The following PDZD2 variants were observed in gnomAD, a reference collection of about 807,000 sequenced individuals.
PDZD2 encodes PDZ domain-containing protein 2.
A neutral mutation model predicts 220.7 loss-of-function variants in PDZD2; 90 were observed. The observed-to-expected ratio is 0.41, with a 90% CI of 0.34 to 0.49. The LOEUF (loss-of-function observed/expected upper bound fraction) is 0.49, where lower values mean the gene tolerates loss of function less well. PDZD2 is among the 20% of genes least tolerant of loss of function. The pLI, the probability that PDZD2 is intolerant of heterozygous loss-of-function variation, is 0.28. For missense variants in PDZD2, 3,174 were observed against 3,608.5 expected (o/e 0.88, Z 3.08); for synonymous variants, 1,375 against 1,450.5 (o/e 0.95, Z 1.18).
At chr5:32,075,714 T>TTC (rs147366814) in intron 18 of PDZD2, among the ~76,000 whole-genome samples, 2 of 151,376 alleles carry the variant, frequency 1.3e-5, no homozygotes, top group East Asian at 1.9e-4. Context: ...CATAAATAAC[T>TTC]TCTCTCTCTC....
Position 32,110,323 on chromosome 5 carries a change from T to A in PDZD2, c.*2188T>A, listed in dbSNP as rs1438963485. 1 of 152,768 alleles carries A rather than the reference T, an allele frequency of 6.5e-6. No individual in the cohort carries two copies. Among genetic ancestry groups the A allele is most frequent in the Non-Finnish European group, 1.5e-5 (1 of 68,026 alleles). The allele number at this position is 152,768 out of a possible 1,614,324, so 9.5% of individuals were successfully genotyped here. On this transcript the variant is annotated 3_prime_UTR_variant, in exon 25 of 25. Transcript: ENST00000438447. ...TAGACCTCTGGCTTACCACATACAC[T>A]ATGCTAAAGTCATCAGCCACTGCTA... is the stretch of plus-strand genomic sequence containing the variant.
At chr5:31,784,430 A>G (rs1319573436) in intron 1 of PDZD2, among the ~76,000 whole-genome samples, 1 of 152,246 alleles carries the variant, frequency 6.6e-6, no homozygotes, top group Non-Finnish European at 1.5e-5. Context: ...GAATGCACGT[A>G]GAAAACAAAC....
chr5:31,881,368 GTA>G (rs1235523162), intron 2 of PDZD2, among the ~76,000 whole-genome samples: 1,066 of 83,390 alleles, frequency 0.013, 9 homozygotes, highest in African/African-American at 0.021. Flanking sequence ...GTGTGTGTGT[GTA>G]TATATTTTTT....
At chr5:31,745,436 A>G (rs1038417077) in intron 1 of PDZD2, among the ~76,000 whole-genome samples, 7 of 152,180 alleles carry the variant, frequency 4.6e-5, no homozygotes, top group African/African-American at 1.7e-4. Context: ...ATTTTTTGAT[A>G]AAAATAAATG....
intron 3 of PDZD2, among the ~76,000 whole-genome samples, chr5:31,991,814 T>C (rs1751234554): frequency 6.6e-6 from 1 of 152,114 alleles, no homozygotes; most frequent in Admixed American, 6.6e-5. Context: ...AGATCACCAG[T>C]GGTCAGGAGT....
At chr5:32,025,475 A>G (rs534386902) in intron 6 of PDZD2, among the ~76,000 whole-genome samples, 1 of 150,508 alleles carries the variant, frequency 6.6e-6, no homozygotes, top group African/African-American at 2.4e-5. Context: ...TGGTGAGCCA[A>G]GATCGCGCCA....
intron 2 of PDZD2, among the ~76,000 whole-genome samples, chr5:31,895,206 C>G (rs1377869485): frequency 6.6e-6 from 1 of 152,090 alleles, no homozygotes; most frequent in African/African-American, 2.4e-5. Context: ...TTTCTTTTGC[C>G]AAGTGCAATG....
At chr5:31,947,562 T>G (rs1403778667) in intron 2 of PDZD2, among the ~76,000 whole-genome samples, 1 of 152,188 alleles carries the variant, frequency 6.6e-6, no homozygotes, top group Non-Finnish European at 1.5e-5. Context: ...AAGCCAGGTG[T>G]GGTGGCTCAT....
intron 2 of PDZD2, among the ~76,000 whole-genome samples, chr5:31,947,382 A>G (rs575001304): frequency 6.6e-6 from 1 of 152,320 alleles, no homozygotes; most frequent in East Asian, 1.9e-4. Context: ...AGTGACGTCA[A>G]CCATCCTGAT....
At chr5:31,701,807 A>C (rs1747621238) in intron 1 of PDZD2, among the ~76,000 whole-genome samples, 1 of 152,212 alleles carries the variant, frequency 6.6e-6, no homozygotes, top group African/African-American at 2.4e-5. Flanking sequence ...GCGCCGACAC[A>C]CGAGAATAGT....
At chr5:31,988,908 G>A (rs972476594) in intron 3 of PDZD2, among the ~76,000 whole-genome samples, 4 of 152,058 alleles carry the variant, frequency 2.6e-5, no homozygotes, top group African/African-American at 7.2e-5. Flanking sequence ...CATTCCTGCC[G>A]CCTGCTCTGT....
chr5:31,970,033 G>T (rs1432779153), intron 2 of PDZD2, among the ~76,000 whole-genome samples: 1 of 151,898 alleles, frequency 6.6e-6, no homozygotes, highest in Admixed American at 6.6e-5. Flanking sequence ...CGAGTAGCTG[G>T]GATTATAGGC....
chr5:31,937,221 G>A (rs1162468242), intron 2 of PDZD2, among the ~76,000 whole-genome samples: 1 of 152,194 alleles, frequency 6.6e-6, no homozygotes, highest in African/African-American at 2.4e-5. Flanking sequence ...CTTCTCCTGG[G>A]CACTGGGATG....
At chr5:32,085,254 CTTT>C (rs145147102) in intron 19 of PDZD2, among the ~76,000 whole-genome samples, 2 of 126,368 alleles carry the variant, frequency 1.6e-5, no homozygotes, top group African/African-American at 3.5e-5. Flanking sequence ...GCCCAGCTGC[CTTT>C]TTTTTTTTTT....
In PDZD2 at chr5:32,098,233, C is replaced by A; in HGVS notation, c.7948-131C>A. 1.1e-6 allele frequency: 1 copy of A among 887,888 alleles called. No homozygotes were observed. The highest frequency in any genetic ancestry group is 1.7e-6 in the Non-Finnish European group (1 of 590,330). The allele number at this position is 887,888 out of a possible 1,614,324, so 55.0% of individuals were successfully genotyped here. ...CTCCAGCCTGGGTGACACAGCGAGA[C>A]TCCCTCTCAAAAAATAAAAATAAAA... On this transcript the variant is annotated intron_variant, in intron 22 of 24. Coordinates refer to ENST00000438447, the MANE Select transcript of PDZD2 (RefSeq NM_178140.4). This position sits in a 1 kb window ranked among gnomAD's most constrained non-coding sequence, Gnocchi z 4.1.
At chr5:31,790,691 A>ATTTTTTTTTTTTTT (rs869296191) in intron 1 of PDZD2, among the ~76,000 whole-genome samples, 1 of 75,498 alleles carries the variant, frequency 1.3e-5, no homozygotes, top group African/African-American at 4.4e-5. Context: ...TATCTCTCTA[A>ATTTTTTTTTTTTTT]TTTTTTTTTT....
chr5:31,689,354 T>TATATATATATATATATATATATA (rs1554063278), intron 1 of PDZD2, among the ~76,000 whole-genome samples: 1 of 27,220 alleles, frequency 3.7e-5, no homozygotes, highest in African/African-American at 2.6e-4. Flanking sequence ...TATATATATA[T>TATATATATATATATATATATATA]TTTTTTTTTT....
rs745609988 is a variant in PDZD2, at chr5:32,110,859, T to C, written c.*2724T>C. On this transcript the variant is annotated 3_prime_UTR_variant, in exon 25 of 25. Coordinates refer to ENST00000438447, the MANE Select transcript of PDZD2 (RefSeq NM_178140.4). Reference sequence around the variant, plus strand: ...TTTTAAAAATGTTGTCACCAAGTTATATAAATCCACATCTCTGTAAACAAC... The same window carrying C: ...TTTTAAAAATGTTGTCACCAAGTTACATAAATCCACATCTCTGTAAACAAC... 1.1e-4 allele frequency: 17 copies of C among 152,450 alleles called. No individual in the cohort carries two copies. Among genetic ancestry groups the C allele is most frequent in the Admixed American group, 2.0e-4 (3 of 15,274 alleles). The allele number at this position is 152,450 out of a possible 1,614,324, so 9.4% of individuals were successfully genotyped here. A position where few individuals can be genotyped will look rare whatever the true frequency, so the allele number is the denominator to read the frequency against.
intron 2 of PDZD2, among the ~76,000 whole-genome samples, chr5:31,837,305 G>A (rs1490056430): frequency 6.6e-6 from 1 of 152,168 alleles, no homozygotes; most frequent in East Asian, 1.9e-4. Context: ...GACTCCCTTT[G>A]GGTACCAGGG....
Sources: allele counts gnomAD v4.1 joint callset (sites outside exome capture counted in the v4.1 genomes callset), GRCh38; gene constraint gnomAD v4.1.1; non-coding constraint Gnocchi (gnomAD v3.1); transcripts MANE v1.5; gene names NCBI Gene and HGNC (gene_info 2026-07-23, HGNC 2026-07-21).